The following PABIR3 variants were observed in gnomAD, a reference collection of about 807,000 sequenced individuals.
PABIR3 encodes PABIR family member 3.
A neutral mutation model predicts 23.1 loss-of-function variants in PABIR3; 20 were observed. The ratio of observed to expected loss-of-function variants is 0.86; its 90% CI spans 0.61 to 1.26. The LOEUF is 1.26. Ranked by LOEUF, PABIR3 falls within the 50% of genes most tolerant of loss-of-function variation. The probability of loss-of-function intolerance (pLI) is 0.00; values close to 1 mark genes in which losing one functional copy is unlikely to be tolerated. For synonymous variants in PABIR3, 69 were observed against 68.5 expected (o/e 1.01, Z -0.04); for missense variants, 189 against 195.4 (o/e 0.97, Z 0.20).
intron 3 of PABIR3, among the ~76,000 whole-genome samples, chrX:134,828,037 C>CTATATA (rs1420655254): frequency 2.6e-4 from 19 of 72,863 alleles, no homozygotes; most frequent in Non-Finnish European, 4.2e-4. Context: ...CTCTCTCTCT[C>CTATATA]TCTCTCTCTC....
chrX:134,849,378 C>A, intron 9 of PABIR3, 150 bp downstream of exon 9: 2 of 226,353 alleles, frequency 8.8e-6, no homozygotes, highest in Non-Finnish European at 1.5e-5. Context: ...TTTTATGCAA[C>A]TAGAAATATG....
intron 9 of PABIR3, among the ~76,000 whole-genome samples, chrX:134,849,492 T>A (rs986702287): frequency 3.6e-5 from 4 of 111,531 alleles, no homozygotes; most frequent in African/African-American, 1.3e-4. Context: ...TTCACCAAGG[T>A]AGCTATCTTC....
At chrX:134,832,594 G>T (rs1249819447) in intron 4 of PABIR3, among the ~76,000 whole-genome samples, 1 of 108,586 alleles carries the variant, frequency 9.2e-6, no homozygotes, top group African/African-American at 3.3e-5. Flanking sequence ...TAGAGACAGG[G>T]TTTCGCCATG....
chrX:134,850,254 C>G (rs1403618360), intron 9 of PABIR3, among the ~76,000 whole-genome samples: 2 of 110,336 alleles, frequency 1.8e-5, no homozygotes. Flanking sequence ...TGTGAAAAAT[C>G]TATTAAGGTA....
chrX:134,828,010 G>GCTCTCTCTCTCTCTCTCTCT (rs1167724649), intron 3 of PABIR3, among the ~76,000 whole-genome samples: 1 of 61,298 alleles, frequency 1.6e-5, no homozygotes, highest in African/African-American at 6.7e-5. Context: ...CTAGCTCAGT[G>GCTCTCTCTCTCTCTCTCTCT]CTCTCTCTCT....
At chrX:134,815,237 A>G (rs1442105450) in intron 3 of PABIR3, among the ~76,000 whole-genome samples, 1 of 109,492 alleles carries the variant, frequency 9.1e-6, no homozygotes, top group Non-Finnish European at 1.9e-5. Context: ...AAATTTGCAG[A>G]CTCTCCTAAA....
chrX:134,853,618 T>TC (rs1202430062), intron 10 of PABIR3, among the ~76,000 whole-genome samples: 2 of 109,832 alleles, frequency 1.8e-5, no homozygotes, highest in Admixed American at 2.0e-4. Context: ...TTTCTTTCTT[T>TC]TTTTTTTTTT....
chrX:134,824,276 ATAATGCCTACCTCATG>A (rs1279123423), intron 3 of PABIR3, among the ~76,000 whole-genome samples: 1 of 111,585 alleles, frequency 9.0e-6, no homozygotes, highest in East Asian at 2.8e-4. Context: ...GAAGGTGATA[ATAATGCCTACCTCATG>A]GGGTTGCTGT....
the PABIR3 span, among the ~76,000 whole-genome samples, chrX:134,861,094 G>A: frequency 9.0e-6 from 1 of 110,972 alleles, no homozygotes; most frequent in Non-Finnish European, 1.9e-5. Flanking sequence ...GGCCAATATG[G>A]TGAAACCCTT....
At chrX:134,852,652 G>A (rs2082676906) in intron 9 of PABIR3, 148 bp from the exon 10 acceptor site, 1 of 351,452 alleles carries the variant, frequency 2.8e-6, no homozygotes, top group Non-Finnish European at 4.8e-6. Flanking sequence ...GAATGGTTAT[G>A]TCTGGATAAT....
intron 9 of PABIR3, among the ~76,000 whole-genome samples, chrX:134,851,830 A>G (rs2082648482): frequency 9.0e-6 from 1 of 111,653 alleles, no homozygotes; most frequent in Non-Finnish European, 1.9e-5. Context: ...GGTCTATGCA[A>G]TATCTTAATG....
intron 2 of PABIR3, chrX:134,810,350 G>A (rs974048703): frequency 1.3e-5 from 10 of 752,933 alleles, no homozygotes; most frequent in Non-Finnish European, 1.4e-5. Flanking sequence ...ACATTCCATA[G>A]CTTAAGATCC....
intron 3 of PABIR3, chrX:134,821,749 A>G: frequency 1.1e-6 from 1 of 937,209 alleles, no homozygotes; most frequent in Admixed American, 4.3e-5. Flanking sequence ...CTGCACATCT[A>G]GCCCATGTTC....
At chrX:134,850,983 A>AGAAATT (rs1345828133) in intron 9 of PABIR3, among the ~76,000 whole-genome samples, 2 of 112,463 alleles carry the variant, frequency 1.8e-5, no homozygotes, top group Non-Finnish European at 3.7e-5. Flanking sequence ...ACAGATAAAC[A>AGAAATT]GAAATTGAAA....
Position 134,807,560 on chromosome X carries a change from G to A in PABIR3, c.-39G>A. The stretch of plus-strand genomic sequence containing the variant: ...AGTAGACTTGTCCTTGTGTGGACGG[G>A]AGCCGGAAAGCCTTGAGAACTTATT... On this transcript the variant is annotated 5_prime_UTR_variant, in exon 2 of 11. Coordinates refer to ENST00000645433, the MANE Select transcript of PABIR3 (RefSeq NM_001388447.1). The A allele has an allele frequency of 8.3e-7, 1 of 1,208,703 alleles. No homozygotes were observed. The highest frequency in any genetic ancestry group is 1.1e-6 in the Non-Finnish European group (1 of 893,714).
chrX:134,823,825 G>A (rs1314577395), intron 3 of PABIR3, among the ~76,000 whole-genome samples: 4 of 110,140 alleles, frequency 3.6e-5, no homozygotes, highest in Non-Finnish European at 3.8e-5. Context: ...TTAAGAATGG[G>A]CACGTAAATA....
At position 134,822,609 on chromosome X, in the gene PABIR3, C is replaced by T. The variant is rs1000339196; in HGVS notation, c.190-6617C>T. 12 of 748,127 alleles carry T rather than the reference C, an allele frequency of 1.6e-5. No homozygotes were observed. In the East Asian group the frequency reaches 1.5e-3, roughly 95 times the overall value. 61.7% of individuals were successfully genotyped at this position (748,127 alleles called of 1,213,427 possible). A position where few individuals can be genotyped will look rare whatever the true frequency, so the allele number is the denominator to read the frequency against. Reference sequence around the variant, plus strand: ...GCCTGAACCTAAATTGGTTCCTTCCCATCCCTTAGGTATAAATTAAAAATA... The same window carrying T: ...GCCTGAACCTAAATTGGTTCCTTCCTATCCCTTAGGTATAAATTAAAAATA... On this transcript the variant is annotated intron_variant, in intron 3 of 10. Transcript: ENST00000645433.
chrX:134,862,142 G>GTTTTTTTTTTTTT, the PABIR3 span, among the ~76,000 whole-genome samples: 1 of 47,909 alleles, frequency 2.1e-5, no homozygotes, highest in African/African-American at 9.4e-5. Flanking sequence ...TTTATTGGCT[G>GTTTTTTTTTTTTT]TTTTTTTTTT....
chrX:134,848,687 T>C (rs2082520093), intron 8 of PABIR3, among the ~76,000 whole-genome samples: 1 of 111,646 alleles, frequency 9.0e-6, no homozygotes, highest in Admixed American at 9.6e-5. Context: ...GGCATTCCAG[T>C]TTTTACCCAT....
Sources: allele counts gnomAD v4.1 joint callset (sites outside exome capture counted in the v4.1 genomes callset), GRCh38; gene constraint gnomAD v4.1.1; transcripts MANE v1.5; gene names NCBI Gene and HGNC (gene_info 2026-07-23, HGNC 2026-07-21).